The following WDR70 variants were observed in gnomAD, a reference collection of about 807,000 sequenced individuals.
WDR70 encodes WD repeat domain 70.
A neutral mutation model predicts 88.6 loss-of-function variants in WDR70; 53 were observed. The observed-to-expected ratio is 0.60, with a 90% CI of 0.48 to 0.75. The LOEUF is 0.75. WDR70 is among the 30% of genes least tolerant of loss of function. The pLI, the probability that WDR70 is intolerant of heterozygous loss-of-function variation, is 0.00. For synonymous variants in WDR70, 280 were observed against 270.0 expected (o/e 1.04, Z -0.36); for missense variants, 610 against 823.2 (o/e 0.74, Z 3.17).
chr5:37,402,943 C>CCTTT (rs1561838923), intron 5 of WDR70, among the ~76,000 whole-genome samples: 1 of 41,704 alleles, frequency 2.4e-5, no homozygotes, highest in African/African-American at 8.3e-5. Context: ...TCCCTCCCTC[C>CCTTT]GTTTTTTTTT....
At chr5:37,404,826 A>G (rs942493543) in intron 5 of WDR70, among the ~76,000 whole-genome samples, 1 of 152,184 alleles carries the variant, frequency 6.6e-6, no homozygotes, top group African/African-American at 2.4e-5. Context: ...TTTACACTCA[A>G]TAGCCTTTTA....
chr5:37,622,634 A>C (rs1309633952), intron 10 of WDR70, among the ~76,000 whole-genome samples: 6 of 152,086 alleles, frequency 3.9e-5, no homozygotes, highest in Admixed American at 6.6e-5. Context: ...AGCAAACTAT[A>C]GCAAGGACAA....
chr5:37,510,865 C>A (rs1031454275), intron 8 of WDR70, among the ~76,000 whole-genome samples: 1 of 152,052 alleles, frequency 6.6e-6, no homozygotes, highest in African/African-American at 2.4e-5. Flanking sequence ...TTGATTTTAC[C>A]TCATAGTTTG....
chr5:37,601,977 C>T (rs1025995921), intron 9 of WDR70, among the ~76,000 whole-genome samples: 5 of 151,590 alleles, frequency 3.3e-5, no homozygotes, highest in Non-Finnish European at 7.4e-5. Context: ...GAACAGAAAA[C>T]CAAACACCGC....
At chr5:37,677,484 C>T (rs1014710431) in intron 10 of WDR70, among the ~76,000 whole-genome samples, 19 of 152,224 alleles carry the variant, frequency 1.2e-4, no homozygotes, top group East Asian at 3.9e-4. Flanking sequence ...GCCTTCGTTT[C>T]GTTATGTACC....
intron 10 of WDR70, among the ~76,000 whole-genome samples, chr5:37,626,097 G>T (rs1170260015): frequency 2.7e-5 from 4 of 149,958 alleles, no homozygotes; most frequent in African/African-American, 9.9e-5. Context: ...CTCCCTTTCC[G>T]ATTTGGATGC....
chr5:37,694,950 A>G (rs981609793), intron 10 of WDR70, among the ~76,000 whole-genome samples: 3 of 152,122 alleles, frequency 2.0e-5, no homozygotes, highest in Non-Finnish European at 4.4e-5. Flanking sequence ...GCTCCTTAAC[A>G]TGGTATATTG....
In WDR70 at chr5:37,495,103, G is replaced by T. The variant is rs370306457; in HGVS notation, c.840+15116G>T. ...TGATCTGACCCTTTAGAAAAAATGT[G>T]TGCAGATTCCTGAATTTAAGCTGTG... On this transcript the variant is annotated intron_variant, in intron 8 of 17. Transcript: ENST00000265107. Among the ~76,000 whole-genome samples the T allele has an allele frequency of 3.9e-5, 6 of 152,332 alleles. No homozygotes were observed. The East Asian group carries it at 1.2e-3, about 29-fold the overall frequency.
chr5:37,451,746 C>T (rs868704511), intron 7 of WDR70, among the ~76,000 whole-genome samples: 7 of 152,188 alleles, frequency 4.6e-5, no homozygotes, highest in East Asian at 1.9e-4. Flanking sequence ...CTGTAATCCC[C>T]GCACTTTGGG....
chr5:37,381,511 A>C, intron 2 of WDR70, 91 bp from the exon 3 acceptor site: 2 of 999,816 alleles, frequency 2.0e-6, no homozygotes, highest in East Asian at 2.7e-5. Flanking sequence ...TAAACTAGAC[A>C]AAGTAAGTGT....
intron 3 of WDR70, among the ~76,000 whole-genome samples, chr5:37,382,405 T>TTTTTG (rs1298249428): frequency 6.6e-6 from 1 of 151,574 alleles, no homozygotes; most frequent in East Asian, 2.0e-4. Flanking sequence ...GCTTTTTGTT[T>TTTTTG]TTTTGTTTTG....
intron 17 of WDR70, among the ~76,000 whole-genome samples, chr5:37,742,897 C>A (rs1015697914): frequency 2.0e-5 from 3 of 152,168 alleles, no homozygotes; most frequent in African/African-American, 7.2e-5. Flanking sequence ...GGGAAAATTG[C>A]CAGGAAAATC....
At chr5:37,629,451 T>C (rs1581448457) in intron 10 of WDR70, among the ~76,000 whole-genome samples, 1 of 152,316 alleles carries the variant, frequency 6.6e-6, no homozygotes, top group African/African-American at 2.4e-5. Flanking sequence ...CATAAATCCT[T>C]TAGGCTTTCC....
chr5:37,515,356 C>T (rs964134635), intron 8 of WDR70, among the ~76,000 whole-genome samples: 1 of 152,144 alleles, frequency 6.6e-6, no homozygotes, highest in Non-Finnish European at 1.5e-5. Context: ...TTCCCTGTAC[C>T]TGTTGTGTTC....
intron 9 of WDR70, among the ~76,000 whole-genome samples, chr5:37,540,599 C>T (rs1046262229): frequency 1.1e-4 from 16 of 152,200 alleles, no homozygotes; most frequent in Non-Finnish European, 1.9e-4. Flanking sequence ...CCAGCATGGT[C>T]TTGATCTCTT....
intron 10 of WDR70, among the ~76,000 whole-genome samples, chr5:37,645,183 A>G (rs145006566): frequency 1.2e-3 from 144 of 117,480 alleles, no homozygotes; most frequent in Non-Finnish European, 1.9e-3. Flanking sequence ...TTCTGGTACC[A>G]TTTTTTTTTT....
At chr5:37,679,684 C>A (rs1261495404) in intron 10 of WDR70, among the ~76,000 whole-genome samples, 1 of 152,136 alleles carries the variant, frequency 6.6e-6, no homozygotes, top group African/African-American at 2.4e-5. Context: ...GGTCAGGGAT[C>A]AGGCACCCAC....
At chr5:37,684,179 G>A (rs1221319270) in intron 10 of WDR70, among the ~76,000 whole-genome samples, 1 of 151,950 alleles carries the variant, frequency 6.6e-6, no homozygotes, top group Non-Finnish European at 1.5e-5. Flanking sequence ...GTAGTATTTT[G>A]TCTGTCAGTT....
chr5:37,714,332 G>T (rs1046044380), intron 13 of WDR70, among the ~76,000 whole-genome samples: 1 of 152,172 alleles, frequency 6.6e-6, no homozygotes, highest in Non-Finnish European at 1.5e-5. Flanking sequence ...GTTGATAAAT[G>T]AAGAAATGTA....
Sources: allele counts gnomAD v4.1 joint callset (sites outside exome capture counted in the v4.1 genomes callset), GRCh38; gene constraint gnomAD v4.1.1; transcripts MANE v1.5; gene names NCBI Gene and HGNC (gene_info 2026-07-23, HGNC 2026-07-21).